Variants in RAB27B observed in about 807,000 individuals in gnomAD.
The protein encoded by RAB27B is ras-related protein Rab-27B.
A neutral mutation model predicts 24.6 loss-of-function variants in RAB27B; 15 were observed. The observed-to-expected ratio is 0.61, with a 90% CI of 0.41 to 0.94. The LOEUF (loss-of-function observed/expected upper bound fraction) is 0.94, where lower values mean the gene tolerates loss of function less well. Among genes scored for constraint, RAB27B ranks in the 40% least tolerant of loss-of-function variants. The pLI is 0.00. For synonymous variants in RAB27B, 105 were observed against 92.5 expected, an observed-to-expected ratio of 1.14 and a Z score of -0.78; for missense variants, 261 against 266.8, an observed-to-expected ratio of 0.98 and a Z score of 0.15.
intron 2 of RAB27B, among the ~76,000 whole-genome samples, chr18:54,737,225 C>T: frequency 1.3e-5 from 2 of 152,156 alleles, no homozygotes; most frequent in East Asian, 3.8e-4. Context: ...GTCTTATGCA[C>T]ACAAGGCTTC....
chr18:54,886,399 A>G (rs1438014976), intron 4 of RAB27B, among the ~76,000 whole-genome samples: 1 of 152,108 alleles, frequency 6.6e-6, no homozygotes, highest in Non-Finnish European at 1.5e-5. Flanking sequence ...CAAAATAGAT[A>G]TATTTCTTAT....
At chr18:54,856,560 C>T (rs1911792401) in intron 1 of RAB27B, among the ~76,000 whole-genome samples, 1 of 152,176 alleles carries the variant, frequency 6.6e-6, no homozygotes, top group Admixed American at 6.5e-5. Context: ...TTAGGAGGCT[C>T]TTATTAGTTG....
intron 1 of RAB27B, among the ~76,000 whole-genome samples, chr18:54,831,605 C>T (rs1910681249): frequency 6.6e-6 from 1 of 152,074 alleles, no homozygotes; most frequent in South Asian, 2.1e-4. Context: ...CTGTCATGGA[C>T]ATTATATCTG....
intron 2 of RAB27B, among the ~76,000 whole-genome samples, chr18:54,782,985 TCTCA>T (rs1908962803): frequency 6.6e-6 from 1 of 150,690 alleles, no homozygotes; most frequent in Admixed American, 6.6e-5. Flanking sequence ...TGAGACAGAG[TCTCA>T]CTCTGTCACC....
At chr18:54,817,039 T>C (rs1363159954) in intron 2 of RAB27B, among the ~76,000 whole-genome samples, 1 of 152,222 alleles carries the variant, frequency 6.6e-6, no homozygotes, top group Non-Finnish European at 1.5e-5. Flanking sequence ...CACAAATCTT[T>C]ATTTCTAACG....
rs181696120 is a variant in RAB27B at position 54,848,920 on chromosome 18, C to G, written c.-20+20220C>G. Among the ~76,000 whole-genome samples the G allele has an allele frequency of 8.5e-5, 13 of 152,180 alleles. No homozygotes were observed. In the East Asian group the frequency reaches 2.3e-3, roughly 27 times the overall value. ...TTTTGTTCTTTCAAAAAAAGTATCA[C>G]TTTGATTAGAAATAAATAAGAAATA... On this transcript the variant is annotated intron_variant, in intron 1 of 5. Transcript: ENST00000262094.
chr18:54,865,237 T>TTGTG (rs3060044), intron 1 of RAB27B, among the ~76,000 whole-genome samples: 19,351 of 143,318 alleles, frequency 0.14, 1,384 homozygotes, highest in Middle Eastern at 0.18. Flanking sequence ...CAATGGCCTT[T>TTGTG]TGTGTGTGTG....
In RAB27B at chr18:54,892,204, T is replaced by C. The variant is rs936047512; in HGVS notation, c.*2791T>C. 1 of 152,100 alleles carries C rather than the reference T, an allele frequency of 6.6e-6. No individual in the cohort carries two copies. Among genetic ancestry groups the C allele is most frequent in the African/African-American group, 2.4e-5 (1 of 41,442 alleles). The allele number at this position is 152,100 out of a possible 1,614,324, so 9.4% of individuals were successfully genotyped here. On this transcript the variant is annotated 3_prime_UTR_variant, in exon 6 of 6. Transcript: ENST00000262094. ...TTAGGAGAAATGTTGAAAATGTACATGAAGCTCCTTTCTGATATAGAAACC... is the reference window on the plus strand; with the variant it reads ...TTAGGAGAAATGTTGAAAATGTACACGAAGCTCCTTTCTGATATAGAAACC...
chr18:54,893,458 T>C lies in RAB27B; in HGVS notation c.*4045T>C, dbSNP rs1913448821. ...TATTTGAATATTTTAGAGAAAGCTTTATCATTTTTTAAGATGCCAAGATGC... is the reference window on the plus strand; with the variant it reads ...TATTTGAATATTTTAGAGAAAGCTTCATCATTTTTTAAGATGCCAAGATGC... On this transcript the variant is annotated 3_prime_UTR_variant, in exon 6 of 6. Coordinates refer to ENST00000262094, the MANE Select transcript of RAB27B (RefSeq NM_004163.4). 6.6e-6 allele frequency: 1 copy of C among 152,026 alleles called. No individual in the cohort carries two copies. The highest frequency in any genetic ancestry group is 1.5e-5 in the Non-Finnish European group (1 of 67,922). 9.4% of individuals were successfully genotyped at this position (152,026 alleles called of 1,614,324 possible).
At chr18:54,727,632 A>G (rs1239080180) in intron 2 of RAB27B, among the ~76,000 whole-genome samples, 1 of 152,212 alleles carries the variant, frequency 6.6e-6, no homozygotes, top group African/African-American at 2.4e-5. Context: ...TTAATACTAA[A>G]TAAAGATAGT....
At position 54,804,910 on chromosome 18, in the gene RAB27B, CTTTCTT is replaced by C. The variant is rs1568072698; in HGVS notation, c.-19-72655_-19-72650del. Among the ~76,000 whole-genome samples the C allele has an allele frequency of 2.4e-3, 276 of 114,904 alleles. 4 individuals carry two copies. The highest frequency in any genetic ancestry group is 0.016 in the Middle Eastern group (4 of 258). 75.4% of individuals were successfully genotyped at this position (114,904 alleles called of 152,430 possible). On this transcript the variant is annotated intron_variant, in intron 2 of 4. Transcript: ENST00000586570. ...TTTCTTTCTCTTTCTCTCTCTCTTTCTTTCTTTCTTTCTTTCTTTCTTTCTTTCTTT... is the reference window on the plus strand; with the variant it reads ...TTTCTTTCTCTTTCTCTCTCTCTTTCTCTTTCTTTCTTTCTTTCTTTCTTT...
intron 3 of RAB27B, 80 bp downstream of exon 3, chr18:54,879,534 A>G (rs1319531632): frequency 1.8e-6 from 2 of 1,114,648 alleles, no homozygotes; most frequent in Non-Finnish European, 1.4e-6. Flanking sequence ...TGTGAACTTG[A>G]AAAACAAATA....
chr18:54,771,590 T>G (rs965100057), intron 2 of RAB27B, among the ~76,000 whole-genome samples: 2 of 110,008 alleles, frequency 1.8e-5, no homozygotes, highest in Non-Finnish European at 3.7e-5. Flanking sequence ...GCTGATAGTT[T>G]AGTGTGTGTG....
At chr18:54,834,874 C>A (rs1910834379) in intron 1 of RAB27B, among the ~76,000 whole-genome samples, 1 of 151,678 alleles carries the variant, frequency 6.6e-6, no homozygotes, top group Admixed American at 6.6e-5. Flanking sequence ...TCAACTTAAT[C>A]TGTTTTCTTC....
At chr18:54,791,874 G>A (rs1179029544) in intron 2 of RAB27B, among the ~76,000 whole-genome samples, 4 of 152,198 alleles carry the variant, frequency 2.6e-5, no homozygotes, top group Non-Finnish European at 1.5e-5. Flanking sequence ...CCCGCGGGAC[G>A]AGGTGGAGTT....
chr18:54,804,896 T>TTCTTTC (rs1555658005), intron 2 of RAB27B, among the ~76,000 whole-genome samples: 261 of 18,224 alleles, frequency 0.014, 4 homozygotes, highest in African/African-American at 0.023. Context: ...TTCTTTCTCT[T>TTCTTTC]TCTCTCTCTC....
intron 2 of RAB27B, among the ~76,000 whole-genome samples, chr18:54,769,715 T>C (rs919289318): frequency 4.6e-5 from 7 of 152,218 alleles, no homozygotes; most frequent in African/African-American, 1.7e-4. Flanking sequence ...CTAATCCATG[T>C]GGTATTTGTT....
intron 1 of RAB27B, among the ~76,000 whole-genome samples, chr18:54,838,988 A>G (rs1434277814): frequency 1.3e-5 from 2 of 152,160 alleles, no homozygotes; most frequent in Non-Finnish European, 2.9e-5. Flanking sequence ...TATAAAGAGT[A>G]TATGGACTTA....
At chr18:54,784,352 G>T (rs1598902156) in intron 2 of RAB27B, among the ~76,000 whole-genome samples, 1 of 152,084 alleles carries the variant, frequency 6.6e-6, no homozygotes, top group Non-Finnish European at 1.5e-5. Flanking sequence ...TGTTACATGG[G>T]TATATTACAT....
Sources: allele counts gnomAD v4.1 joint callset (sites outside exome capture counted in the v4.1 genomes callset), GRCh38; gene constraint gnomAD v4.1.1; transcripts MANE v1.5; gene names NCBI Gene and HGNC (gene_info 2026-07-23, HGNC 2026-07-21).